Variants in DPYD observed in about 807,000 individuals in gnomAD.
The protein encoded by DPYD is dihydropyrimidine dehydrogenase [NADP(+)].
Under a neutral mutation model 116.2 loss-of-function variants are expected in DPYD, and 109 were observed. That is an observed-to-expected ratio of 0.94 (90% confidence interval 0.80 to 1.10). The LOEUF (loss-of-function observed/expected upper bound fraction) is 1.10. Among genes scored for constraint, DPYD ranks in the 50% least tolerant of loss-of-function variants. DPYD has a pLI of 0.00. For missense variants in DPYD, 1,302 were observed against 1,254.5 expected, an observed-to-expected ratio of 1.04 and a Z score of -0.57; for synonymous variants, 440 against 432.0, an observed-to-expected ratio of 1.02 and a Z score of -0.23.
At chr1:97,131,202 C>A (rs1030640622) in intron 20 of DPYD, among the ~76,000 whole-genome samples, 7 of 151,740 alleles carry the variant, frequency 4.6e-5, no homozygotes, top group African/African-American at 1.7e-4. Flanking sequence ...TTGAAATAAC[C>A]TAAATTGGCT....
chr1:97,536,812 A>T (rs1650037450), intron 12 of DPYD, among the ~76,000 whole-genome samples: 1 of 152,188 alleles, frequency 6.6e-6, no homozygotes, highest in African/African-American at 2.4e-5. Context: ...ATGACACTTG[A>T]CATTTGGAAA....
intron 12 of DPYD, chr1:97,546,545 A>G (rs1230607901): frequency 1.3e-6 from 2 of 1,598,378 alleles, no homozygotes; most frequent in Middle Eastern, 1.9e-4. Context: ...AGCATACAGC[A>G]AGAAGAGAGC....
At chr1:97,752,496 A>G (rs146133942) in intron 3 of DPYD, among the ~76,000 whole-genome samples, 3 of 152,286 alleles carry the variant, frequency 2.0e-5, no homozygotes, top group African/African-American at 7.2e-5. Flanking sequence ...TCTGATCACG[A>G]CATTCTCCTT....
At chr1:97,277,719 A>G (rs1226574790) in intron 18 of DPYD, among the ~76,000 whole-genome samples, 1 of 152,150 alleles carries the variant, frequency 6.6e-6, no homozygotes, top group Non-Finnish European at 1.5e-5. Context: ...TAGATTCCTG[A>G]ATTAGCTTTA....
chr1:97,558,766 C>T (rs765946493), intron 11 of DPYD, among the ~76,000 whole-genome samples: 57 of 152,182 alleles, frequency 3.7e-4, no homozygotes, highest in Middle Eastern at 3.4e-3. Context: ...CTAAACTGAC[C>T]AACAAACCAA....
At chr1:97,735,441 C>T (rs934159329) in intron 4 of DPYD, among the ~76,000 whole-genome samples, 8 of 151,146 alleles carry the variant, frequency 5.3e-5, no homozygotes, top group South Asian at 2.1e-4. Context: ...CTTTGGGAGG[C>T]CAAAGCAGGC....
At chr1:97,323,287 T>TACATATGTGTATATGTACACGTATATAC (rs1320358459) in intron 16 of DPYD, among the ~76,000 whole-genome samples, 7 of 149,348 alleles carry the variant, frequency 4.7e-5, no homozygotes, top group Non-Finnish European at 8.9e-5. Flanking sequence ...CACGTATATA[T>TACATATGTGTATATGTACACGTATATAC]ACATATGTGT....
chr1:97,372,823 A>G (rs1264655062), intron 16 of DPYD, among the ~76,000 whole-genome samples: 11 of 152,136 alleles, frequency 7.2e-5, no homozygotes, highest in Admixed American at 7.2e-4. Context: ...CCAGGACTAG[A>G]CAATCCGTCA....
intron 20 of DPYD, among the ~76,000 whole-genome samples, chr1:97,149,617 C>G (rs1394615359): frequency 2.0e-5 from 3 of 152,128 alleles, no homozygotes; most frequent in Non-Finnish European, 4.4e-5. Context: ...AACTCGATTT[C>G]TATAGTAGAC....
intron 3 of DPYD, among the ~76,000 whole-genome samples, chr1:97,761,490 G>C (rs1471569378): frequency 1.3e-5 from 2 of 152,052 alleles, no homozygotes; most frequent in Non-Finnish European, 2.9e-5. Context: ...AGAAAATCCT[G>C]ACATTACAGC....
intron 3 of DPYD, among the ~76,000 whole-genome samples, chr1:97,759,469 A>G (rs1233913810): frequency 1.3e-5 from 2 of 152,098 alleles, no homozygotes; most frequent in Non-Finnish European, 2.9e-5. Context: ...ACCATCTTTG[A>G]TATTTCTTTT....
intron 3 of DPYD, among the ~76,000 whole-genome samples, chr1:97,752,681 G>A (rs1178259484): frequency 6.6e-6 from 1 of 152,152 alleles, no homozygotes; most frequent in African/African-American, 2.4e-5. Flanking sequence ...CACACTTCAA[G>A]TCTTCATCCG....
At chr1:97,460,893 C>T (rs1335131986) in intron 13 of DPYD, among the ~76,000 whole-genome samples, 1 of 151,984 alleles carries the variant, frequency 6.6e-6, no homozygotes, top group Non-Finnish European at 1.5e-5. Context: ...CAAAATCAGC[C>T]AGGCATGGTG....
At chr1:97,852,556 T>A (rs1670627450) in intron 2 of DPYD, among the ~76,000 whole-genome samples, 1 of 152,154 alleles carries the variant, frequency 6.6e-6, no homozygotes, top group African/African-American at 2.4e-5. Context: ...ATTGTACAAG[T>A]GGAGTGTAGC....
chr1:97,682,953 T>C lies in DPYD; in HGVS notation c.763-3771A>G, dbSNP rs570500399. 4.4e-4 allele frequency among the ~76,000 whole-genome samples: 67 copies of C among 152,180 alleles called. 1 individual carries two copies. Among genetic ancestry groups the C allele is most frequent in the African/African-American group, 1.6e-3 (65 of 41,528 alleles). On this transcript the variant is annotated intron_variant, in intron 7 of 22. Transcript: ENST00000370192. Reference sequence around the variant, plus strand: ...TACCCTGAGCCAAAGTTCCATCTAATAGTCTCTTAGGGATTTGATGAAAAC... The same window carrying C: ...TACCCTGAGCCAAAGTTCCATCTAACAGTCTCTTAGGGATTTGATGAAAAC...
chr1:97,195,680 A>G (rs1296792979), intron 19 of DPYD, among the ~76,000 whole-genome samples: 3 of 80,886 alleles, frequency 3.7e-5, no homozygotes, highest in African/African-American at 1.6e-4. Flanking sequence ...ATATATATAT[A>G]TATATATATG....
intron 14 of DPYD, among the ~76,000 whole-genome samples, chr1:97,387,936 G>A (rs1339531887): frequency 6.6e-6 from 1 of 152,066 alleles, no homozygotes; most frequent in African/African-American, 2.4e-5. Flanking sequence ...GTTTAAAGGA[G>A]GGTGATAAAA....
At chr1:97,842,248 T>A (rs1027923371) in intron 2 of DPYD, among the ~76,000 whole-genome samples, 1 of 151,992 alleles carries the variant, frequency 6.6e-6, no homozygotes, top group Non-Finnish European at 1.5e-5. Flanking sequence ...ATTAAATATT[T>A]CAACTTGAAC....
At chr1:97,161,960 C>A (rs890820799) in intron 20 of DPYD, among the ~76,000 whole-genome samples, 3 of 151,818 alleles carry the variant, frequency 2.0e-5, no homozygotes, top group Non-Finnish European at 4.4e-5. Flanking sequence ...TTTTTTTAAT[C>A]CAGTCTATCA....
Sources: gnomAD v4.1 joint callset for allele counts (sites outside exome capture counted in the v4.1 genomes callset) on GRCh38, gnomAD v4.1.1 for gene constraint, MANE v1.5 for transcripts, NCBI Gene and HGNC (gene_info 2026-07-23, HGNC 2026-07-21) for gene names.